The following ARHGAP26 variants were observed in gnomAD, a reference collection of about 807,000 sequenced individuals.
ARHGAP26 encodes the protein rho GTPase-activating protein 26.
ARHGAP26 carries 38 observed loss-of-function variants against 104.8 expected under a neutral mutation model. The ratio of observed to expected loss-of-function variants is 0.36; its 90% CI spans 0.28 to 0.48. The LOEUF (loss-of-function observed/expected upper bound fraction) is 0.48. Ranked by LOEUF, ARHGAP26 falls within the 20% of genes least tolerant of loss-of-function variation. ARHGAP26 has a pLI of 0.99. For synonymous variants in ARHGAP26, 341 were observed against 340.0 expected (o/e 1.00, Z -0.03); for missense variants, 704 against 947.9 (o/e 0.74, Z 3.38).
At chr5:142,931,117 A>G (rs1325963782) in intron 10 of ARHGAP26, among the ~76,000 whole-genome samples, 1 of 152,192 alleles carries the variant, frequency 6.6e-6, no homozygotes, top group Non-Finnish European at 1.5e-5. Context: ...GCAATTCTTA[A>G]CTTTTTGAGG....
At chr5:142,891,519 C>CT (rs764919721) in intron 5 of ARHGAP26, among the ~76,000 whole-genome samples, 30 of 151,886 alleles carry the variant, frequency 2.0e-4, no homozygotes, top group Non-Finnish European at 4.1e-4. Flanking sequence ...TGACTAATGT[C>CT]TGTTTTCTTT....
intron 1 of ARHGAP26, among the ~76,000 whole-genome samples, chr5:142,807,152 CAG>C (rs1453046123): frequency 6.6e-6 from 1 of 152,224 alleles, no homozygotes; most frequent in East Asian, 1.9e-4. Flanking sequence ...AAATTAATAA[CAG>C]TGAATGCATT....
At chr5:142,898,995 G>A (rs891912805) in intron 6 of ARHGAP26, among the ~76,000 whole-genome samples, 3 of 152,166 alleles carry the variant, frequency 2.0e-5, no homozygotes, top group Admixed American at 1.3e-4. Flanking sequence ...TGCAGTGAAA[G>A]GTGACTTCCT....
rs542583215 is a variant in ARHGAP26 at position 143,015,172 on chromosome 5, G to A, written c.1144+1056G>A. On this transcript the variant is annotated intron_variant, in intron 12 of 22. Coordinates refer to ENST00000645722, the MANE Select transcript of ARHGAP26 (RefSeq NM_001135608.3). ...TCCACCTCCAAAAAAAATAAAATGA[G>A]CAAGGGAAAAATTTCAAGTAAATAT... Among the ~76,000 whole-genome samples, 91 of 152,130 alleles carry A rather than the reference G, an allele frequency of 6.0e-4. 1 individual carries two copies. The highest frequency in any genetic ancestry group is 2.2e-3 in the African/African-American group (90 of 41,504).
At position 142,849,889 on chromosome 5, in the gene ARHGAP26, CAT is replaced by C. The variant is rs1751174970; in HGVS notation, c.155-23510_155-23509del. Among the ~76,000 whole-genome samples the C allele has an allele frequency of 2.6e-5, 4 of 152,294 alleles. No individual in the cohort carries two copies. The East Asian group carries it at 7.8e-4, about 30-fold the overall frequency. On this transcript the variant is annotated intron_variant, in intron 1 of 22. Coordinates refer to ENST00000645722, the MANE Select transcript of ARHGAP26 (RefSeq NM_001135608.3). ...CATCCAGGCACAACCTCTGGACCCA[CAT>C]GTGATGATTTGTTTCACCCAGTTAG...
chr5:142,787,692 T>G (rs11738878), intron 1 of ARHGAP26, among the ~76,000 whole-genome samples: 19,364 of 152,218 alleles, frequency 0.13, 1,373 homozygotes, highest in East Asian at 0.16. Context: ...AACCTGTATT[T>G]TTTCTTAGAT....
chr5:142,975,711 G>A (rs1222818312), intron 11 of ARHGAP26, among the ~76,000 whole-genome samples: 1 of 152,086 alleles, frequency 6.6e-6, no homozygotes, highest in Non-Finnish European at 1.5e-5. Context: ...GTATACTTGT[G>A]TATACTTTAT....
intron 11 of ARHGAP26, among the ~76,000 whole-genome samples, chr5:142,975,429 ATCTG>A (rs772233172): frequency 4.0e-5 from 4 of 99,850 alleles, no homozygotes; most frequent in African/African-American, 1.5e-4. Flanking sequence ...TTCAATTTTT[ATCTG>A]TCTGTCTATT....
chr5:142,794,062 C>T lies in ARHGAP26; in HGVS notation c.154+23147C>T, dbSNP rs555925753. Among the ~76,000 whole-genome samples the T allele has an allele frequency of 2.0e-5, 3 of 152,356 alleles. No homozygotes were observed. The East Asian group carries it at 5.8e-4, about 29-fold the overall frequency. On this transcript the variant is annotated intron_variant, in intron 1 of 22. Coordinates refer to ENST00000645722, the MANE Select transcript of ARHGAP26 (RefSeq NM_001135608.3). ...ATGTTCTAACTGAAGACCTGCCAGA[C>T]TCTCGTGACTCCAAAGGATATCAGC...
chr5:142,807,699 C>T (rs978496025), intron 1 of ARHGAP26, among the ~76,000 whole-genome samples: 1 of 152,182 alleles, frequency 6.6e-6, no homozygotes, highest in African/African-American at 2.4e-5. Flanking sequence ...AACCCTGGCT[C>T]CTAAGCCTGA....
At chr5:143,167,375 G>A (rs368804344) in intron 20 of ARHGAP26, among the ~76,000 whole-genome samples, 7 of 148,692 alleles carry the variant, frequency 4.7e-5, no homozygotes, top group African/African-American at 1.0e-4. Context: ...CCAGCTACTC[G>A]GGAGGCTGAG....
chr5:142,778,952 A>G (rs2151834787), intron 1 of ARHGAP26, among the ~76,000 whole-genome samples: 1 of 133,686 alleles, frequency 7.5e-6, no homozygotes, highest in African/African-American at 4.0e-5. Flanking sequence ...GAAAAAAAAA[A>G]AAAACTTAGT....
chr5:143,121,118 A>T lies in ARHGAP26; in HGVS notation c.1669A>T (p.Ile557Phe). ...GGACATCAAATTTCAGAACATTGTC[A>T]TTGAGATCCTAATAGAAAACCACGA... ...IMDIKFQNIV[I>F]EILIENHEKI... is the part of the protein sequence containing the mutation. Residue 557 changes from isoleucine to phenylalanine, a missense_variant, in exon 18 of 23, where the codon ATT becomes TTT. Ile to Phe is a conservative substitution (Grantham distance 21). Coordinates refer to ENST00000645722, the MANE Select transcript of ARHGAP26 (RefSeq NM_001135608.3). 6.2e-7 allele frequency: 1 copy of T among 1,613,784 alleles called. No homozygotes were observed. The highest frequency in any genetic ancestry group is 8.5e-7 in the Non-Finnish European group (1 of 1,179,728).
Position 143,227,567 on chromosome 5 carries a change from T to A in ARHGAP26, c.*5121T>A, listed in dbSNP as rs111924046. On this transcript the variant is annotated 3_prime_UTR_variant, in exon 23 of 23. Coordinates refer to ENST00000645722, the MANE Select transcript of ARHGAP26 (RefSeq NM_001135608.3). ...GCGAATCTTGCACAGCCCCACAGCATGCCTGAGACAAGACTCCAACAAGTA... is the reference window on the plus strand; with the variant it reads ...GCGAATCTTGCACAGCCCCACAGCAAGCCTGAGACAAGACTCCAACAAGTA... 2,575 of 230,436 alleles carry A rather than the reference T, an allele frequency of 0.011. 63 individuals carry two copies. The highest frequency in any genetic ancestry group is 0.054 in the African/African-American group (2,433 of 45,270). 14.3% of individuals were successfully genotyped at this position (230,436 alleles called of 1,614,324 possible).
intron 20 of ARHGAP26, chr5:143,203,464 A>G (rs1296901624): frequency 5.9e-5 from 9 of 152,218 alleles, no homozygotes; most frequent in Admixed American, 5.9e-4. Context: ...ATGCTTTTAC[A>G]CTGTTGCTGG....
At chr5:142,888,686 T>C (rs774958166) in intron 5 of ARHGAP26, among the ~76,000 whole-genome samples, 10 of 152,182 alleles carry the variant, frequency 6.6e-5, no homozygotes, top group Non-Finnish European at 1.3e-4. Flanking sequence ...GGCACTGCCA[T>C]CTAGTGGATG....
intron 17 of ARHGAP26, among the ~76,000 whole-genome samples, chr5:143,088,150 G>T (rs558619033): frequency 4.6e-5 from 7 of 152,292 alleles, no homozygotes; most frequent in Non-Finnish European, 8.8e-5. Context: ...CCCATTTTAT[G>T]TGCTTCTGAG....
chr5:143,117,009 A>G (rs1486678356), intron 17 of ARHGAP26, among the ~76,000 whole-genome samples: 2 of 152,242 alleles, frequency 1.3e-5, no homozygotes, highest in Non-Finnish European at 2.9e-5. Flanking sequence ...CAGCAGCCAA[A>G]GGAAGCCTGT....
intron 7 of ARHGAP26, 118 bp from the exon 8 acceptor site, chr5:142,903,422 C>A: frequency 8.7e-7 from 1 of 1,145,996 alleles, no homozygotes; most frequent in Non-Finnish European, 1.2e-6. Flanking sequence ...TTGGCCAGTT[C>A]CTGGAAGGTT....
Sources: allele counts gnomAD v4.1 joint callset (sites outside exome capture counted in the v4.1 genomes callset), GRCh38; gene constraint gnomAD v4.1.1; transcripts MANE v1.5; gene names NCBI Gene and HGNC (gene_info 2026-07-23, HGNC 2026-07-21).